The following CARS1 variants were observed in gnomAD, a reference collection of about 807,000 sequenced individuals.
CARS1 encodes cysteinyl-tRNA synthetase 1, also known as cysteine--tRNA ligase, cytoplasmic.
A neutral mutation model predicts 106.2 loss-of-function variants in CARS1; 48 were observed. The observed-to-expected ratio is 0.45, with a 90% CI of 0.36 to 0.57. The LOEUF is 0.57. Among genes scored for constraint, CARS1 ranks in the 20% least tolerant of loss-of-function variants. The pLI is 0.00. For missense variants in CARS1, 968 were observed against 1,057.2 expected, an observed-to-expected ratio of 0.92 and a Z score of 1.17; for synonymous variants, 409 against 403.4, an observed-to-expected ratio of 1.01 and a Z score of -0.17.
At position 3,028,720 on chromosome 11, in the gene CARS1, C is replaced by T; in HGVS notation, c.1031+276G>A. On this transcript the variant is annotated intron_variant, in intron 9 of 22. Coordinates refer to ENST00000380525, the MANE Select transcript of CARS1 (RefSeq NM_001014437.3). This position sits in a 1 kb window ranked among gnomAD's most constrained non-coding sequence, Gnocchi z 4.4. ...AGCAGTATTCGCACTCACCATTATG[C>T]AGCTCTGGGGCCCCATGACTGATGG... is the stretch of plus-strand genomic sequence containing the variant. 2 of 496,400 alleles carry T rather than the reference C, an allele frequency of 4.0e-6. No individual in the cohort carries two copies. The highest frequency in any genetic ancestry group is 1.9e-5 in the African/African-American group (1 of 52,216). 30.7% of individuals were successfully genotyped at this position (496,400 alleles called of 1,614,324 possible). A position where few individuals can be genotyped will look rare whatever the true frequency, so the allele number is the denominator to read the frequency against.
Position 3,040,816 on chromosome 11 carries a change from G to A in CARS1, c.455+80C>T. On this transcript the variant is annotated intron_variant, in intron 4 of 22. Coordinates refer to ENST00000380525, the MANE Select transcript of CARS1 (RefSeq NM_001014437.3). This position sits in a 1 kb window ranked among gnomAD's most constrained non-coding sequence, Gnocchi z 5.8. ...AGATCTAAGATCTTTGTGGACCTAA[G>A]ATCGCTGCTGTGGATCCCAATGGCT... is the stretch of plus-strand genomic sequence containing the variant. The A allele has an allele frequency of 6.9e-7, 1 of 1,445,368 alleles. No individual in the cohort carries two copies. The highest frequency in any genetic ancestry group is 1.3e-5 in the South Asian group (1 of 79,500). 89.5% of individuals were successfully genotyped at this position (1,445,368 alleles called of 1,614,324 possible). A position where few individuals can be genotyped will look rare whatever the true frequency, so the allele number is the denominator to read the frequency against.
intron 17 of CARS1, 78 bp downstream of exon 17, chr11:3,015,703 G>T (rs2071104): frequency 0.39 from 490,301 of 1,248,678 alleles, 98,695 homozygotes; most frequent in African/African-American, 0.45. Context: ...ACAGAGGAGG[G>T]GCAGTTCAGA....
Position 3,017,129 on chromosome 11 carries a change from G to C in CARS1, c.1894C>G (p.Leu632Val). The C allele has an allele frequency of 6.2e-7, 1 of 1,614,090 alleles. No homozygotes were observed. The highest frequency in any genetic ancestry group is 8.5e-7 in the Non-Finnish European group (1 of 1,179,940). Residue 632 changes from leucine (L) to valine (V), a missense_variant, in exon 16 of 23, where the codon CTG becomes GTG. Leu to Val is a conservative substitution (Grantham distance 32, BLOSUM62 1). Transcript: ENST00000380525. The surrounding 1 kb of genome is among the most constrained non-coding windows in gnomAD (Gnocchi z 4.9). ...ACCTTCAGCATATGGGTGAGGTACAGGGCGATGTTCTCCAGCAGAGCCTGG... is the reference window on the plus strand; with the variant it reads ...ACCTTCAGCATATGGGTGAGGTACACGGCGATGTTCTCCAGCAGAGCCTGG... ...PNQALLENIA[L>V]YLTHMLKIFG... is the part of the protein sequence containing the mutation.
intron 21 of CARS1, 93 bp downstream of exon 21, chr11:3,002,447 GC>G: frequency 6.4e-7 from 1 of 1,573,838 alleles, no homozygotes. Context: ...CAGGGGCCTG[GC>G]TAAGGTCCAC....
chr11:3,056,572 G>A (rs1856221667), intron 1 of CARS1, among the ~76,000 whole-genome samples: 1 of 152,216 alleles, frequency 6.6e-6, no homozygotes, highest in African/African-American at 2.4e-5. Context: ...AGCTTGCAGT[G>A]GACTGCCTGC....
intron 7 of CARS1, among the ~76,000 whole-genome samples, chr11:3,035,279 G>T (rs1204679780): frequency 1.3e-5 from 2 of 152,078 alleles, no homozygotes; most frequent in African/African-American, 2.4e-5. Context: ...AGAGATGGGG[G>T]CACAGAATCA....
intron 9 of CARS1, chr11:3,027,687 T>A (rs568203770): frequency 3.3e-6 from 1 of 301,010 alleles, no homozygotes; most frequent in African/African-American, 2.1e-5. Flanking sequence ...TGAGGGGACA[T>A]AGTGAGGAGT....
In CARS1 at chr11:3,018,526, A is replaced by C; in HGVS notation, c.1526-15T>G. On this transcript the variant is annotated splice_polypyrimidine_tract_variant and intron_variant, in intron 13 of 22. Transcript: ENST00000380525. ...CAACTGCCGTGCTGTGGGGGGACAC[A>C]AGACAGCCAACGCCCTTATTCTCCC... is the stretch of plus-strand genomic sequence containing the variant. 1 of 1,613,042 alleles carries C rather than the reference A, an allele frequency of 6.2e-7. No individual in the cohort carries two copies.
At chr11:3,031,980 C>G in intron 7 of CARS1, among the ~76,000 whole-genome samples, 1 of 143,482 alleles carries the variant, frequency 7.0e-6, no homozygotes, top group East Asian at 2.0e-4. Flanking sequence ...CTGTTCTTTT[C>G]TTTCTCCTTC....
At position 3,019,461 on chromosome 11, in the gene CARS1, C is replaced by G. The variant is rs1181775440; in HGVS notation, c.1267-194G>C. 6.6e-6 allele frequency among the ~76,000 whole-genome samples: 1 copy of G among 152,110 alleles called. No homozygotes were observed. Among genetic ancestry groups the G allele is most frequent in the Non-Finnish European group, 1.5e-5 (1 of 68,016 alleles). ...CTGTAATCCCAGCACTTTGCGATGC[C>G]GAGGCAGACGGATCACCAGGTCAGG... On this transcript the variant is annotated intron_variant, in intron 11 of 22. Transcript: ENST00000380525. This position sits in a 1 kb window ranked among gnomAD's most constrained non-coding sequence, Gnocchi z 6.2.
rs377142673 is a variant in CARS1, at chr11:3,015,783, T to A, written c.1984A>T (p.Ser662Cys). 1.2e-6 allele frequency: 2 copies of A among 1,613,864 alleles called. No homozygotes were observed. The highest frequency in any genetic ancestry group is 1.7e-6 in the Non-Finnish European group (2 of 1,179,862). The stretch of plus-strand genomic sequence containing the variant: ...GCAGGACCCTGCATGCTACTCACAC[T>A]GAGGCTGGTTCCAGGCCCTCCGACC... ...FPVGGPGTSL[S>C]LEATVMPYLQ... The change falls in exon 17 of 23, where the codon AGT (serine) becomes TGT (cysteine). Residue 662 changes from serine to cysteine, a missense_variant and splice_region_variant. Coordinates refer to ENST00000380525, the MANE Select transcript of CARS1 (RefSeq NM_001014437.3).
Position 3,053,306 on chromosome 11 carries a change from C to T in CARS1, c.25+4037G>A, listed in dbSNP as rs1248784508. 6.6e-6 allele frequency among the ~76,000 whole-genome samples: 1 copy of T among 152,164 alleles called. No homozygotes were observed. The highest frequency in any genetic ancestry group is 1.5e-5 in the Non-Finnish European group (1 of 68,022). On this transcript the variant is annotated intron_variant, in intron 1 of 22. Coordinates refer to ENST00000380525, the MANE Select transcript of CARS1 (RefSeq NM_001014437.3). The surrounding 1 kb of genome is among the most constrained non-coding windows in gnomAD (Gnocchi z 6.6). ...AGTGCAGTGGCATGATCTCGGCTCA[C>T]TGCAAACTCTGCCTCCCGGGTTCAA...
Position 3,005,382 on chromosome 11 carries a change from C to T in CARS1, c.2201G>A (p.Arg734Lys), listed in dbSNP as rs541100565. Residue 734 changes from arginine (R) to lysine (K), a missense_variant, in exon 20 of 23, where the codon AGA becomes AAA. Arg to Lys is a conservative substitution (Grantham distance 26). Coordinates refer to ENST00000380525, the MANE Select transcript of CARS1 (RefSeq NM_001014437.3). ...LVDRNTLLKE[R>K]EEKRRVEEEK... ...TTTACTCACCCGTCTCTTTTCTTCT[C>T]TCTCTTTTAATAAGGTGTTTCTGTC... The T allele has an allele frequency of 1.5e-5, 24 of 1,613,350 alleles. No homozygotes were observed. Among genetic ancestry groups the T allele is most frequent in the African/African-American group, 1.1e-4 (8 of 75,042 alleles).
intron 17 of CARS1, among the ~76,000 whole-genome samples, chr11:3,014,412 C>T (rs918774478): frequency 5.9e-5 from 9 of 152,234 alleles, no homozygotes; most frequent in African/African-American, 1.4e-4. Context: ...CACCATTCGC[C>T]GCAGCTGCTT....
chr11:3,019,981 T>C lies in CARS1; in HGVS notation c.1266+239A>G, dbSNP rs1335536688. ...TCCATGGACGTCTACTCTGATCACA[T>C]CTCCACTTACAGACCAGAAAACAGA... is the stretch of plus-strand genomic sequence containing the variant. On this transcript the variant is annotated intron_variant, in intron 11 of 22. Transcript: ENST00000380525. The surrounding 1 kb of genome is among the most constrained non-coding windows in gnomAD (Gnocchi z 6.2). 6.6e-6 allele frequency among the ~76,000 whole-genome samples: 1 copy of C among 152,068 alleles called. No individual in the cohort carries two copies. Among genetic ancestry groups the C allele is most frequent in the Non-Finnish European group, 1.5e-5 (1 of 68,020 alleles).
chr11:3,012,324 T>C (rs368843619), intron 17 of CARS1, 48 bp from the exon 18 acceptor site: 4 of 1,515,822 alleles, frequency 2.6e-6, no homozygotes, highest in South Asian at 1.1e-5. Context: ...CACACTCCCA[T>C]ATTCATAACA....
At chr11:3,031,003 GAGA>G (rs1441123320) in intron 7 of CARS1, 3 of 152,176 alleles carry the variant, frequency 2.0e-5, no homozygotes, top group African/African-American at 7.2e-5. Context: ...AGGAGACACG[GAGA>G]AGGATGAGAT....
chr11:3,048,001 G>C lies in CARS1; in HGVS notation c.26C>G (p.Ala9Gly). 1 of 1,612,200 alleles carries C rather than the reference G, an allele frequency of 6.2e-7. No individual in the cohort carries two copies. Among genetic ancestry groups the C allele is most frequent in the Non-Finnish European group, 8.5e-7 (1 of 1,178,730 alleles). ...GCTCAGAATGGACCTGTAGTCAGGA[G>C]CTGCAAAGACAGAGGGCACATGGTG... Reference protein sequence around the residue: MADSSGQQAPDYRSILSIS... With the variant: MADSSGQQGPDYRSILSIS... Residue 9 changes from alanine to glycine, a missense_variant and splice_region_variant, in exon 2 of 23, where the codon GCT becomes GGT. Physicochemically the swap from Ala to Gly is moderately conservative, Grantham distance 60. Transcript: ENST00000380525. The surrounding 1 kb of genome is among the most constrained non-coding windows in gnomAD (Gnocchi z 5.1).
rs1471471396 is a variant in CARS1, at chr11:3,041,371, C to T, written c.367-387G>A. The T allele has an allele frequency of 1.7e-5, 3 of 181,420 alleles. No homozygotes were observed. Among genetic ancestry groups the T allele is most frequent in the South Asian group, 1.1e-4 (1 of 8,706 alleles). The allele number at this position is 181,420 out of a possible 1,614,324, so 11.2% of individuals were successfully genotyped here. On this transcript the variant is annotated intron_variant, in intron 3 of 22. Coordinates refer to ENST00000380525, the MANE Select transcript of CARS1 (RefSeq NM_001014437.3). The surrounding 1 kb of genome is among the most constrained non-coding windows in gnomAD (Gnocchi z 4.9). Reference sequence around the variant, plus strand: ...ATTCAATATGCAGTACACTCTAGGACGTAGGTTATGTCATTTTCTTTTTAC... The same window carrying T: ...ATTCAATATGCAGTACACTCTAGGATGTAGGTTATGTCATTTTCTTTTTAC...
Sources: gnomAD v4.1 joint callset for allele counts (sites outside exome capture counted in the v4.1 genomes callset) on GRCh38, gnomAD v4.1.1 for gene constraint, Gnocchi (gnomAD v3.1) non-coding constraint, MANE v1.5 for transcripts, NCBI Gene and HGNC (gene_info 2026-07-23, HGNC 2026-07-21) for gene names.